The following PRLR variants were observed in gnomAD, a reference collection of about 807,000 sequenced individuals.
The protein encoded by PRLR is hPRL receptor.
In PRLR, 13 loss-of-function variants were observed where a neutral mutation model predicts 40.2. That is an observed-to-expected ratio of 0.32 (90% confidence interval 0.21 to 0.51). PRLR has a LOEUF of 0.51. Ranked by LOEUF, PRLR falls within the 20% of genes least tolerant of loss-of-function variation. The probability of loss-of-function intolerance (pLI) is 0.97; values close to 1 mark genes in which losing one functional copy is unlikely to be tolerated. For synonymous variants in PRLR, 269 were observed against 278.7 expected, an observed-to-expected ratio of 0.97 and a Z score of 0.35; for missense variants, 656 against 747.3, an observed-to-expected ratio of 0.88 and a Z score of 1.42.
At chr5:35,131,838 T>C (rs561893465) in intron 1 of PRLR, among the ~76,000 whole-genome samples, 11 of 152,292 alleles carry the variant, frequency 7.2e-5, no homozygotes, top group African/African-American at 2.2e-4. Flanking sequence ...GAAAAGCCAG[T>C]GATAGTGCTC....
intron 1 of PRLR, among the ~76,000 whole-genome samples, chr5:35,122,308 T>A (rs1231717251): frequency 1.3e-5 from 2 of 152,162 alleles, no homozygotes; most frequent in Admixed American, 1.3e-4. Flanking sequence ...TAGGTAAACA[T>A]GTGCCATGGT....
At chr5:35,113,653 A>T (rs1046653160) in intron 2 of PRLR, among the ~76,000 whole-genome samples, 2 of 152,238 alleles carry the variant, frequency 1.3e-5, no homozygotes, top group African/African-American at 4.8e-5. Context: ...GTTTTGCTGA[A>T]ACAAACCTCC....
Position 35,063,178 on chromosome 5 carries a change from C to T in PRLR, c.*1911G>A, listed in dbSNP as rs1769144581. 1 of 152,214 alleles carries T rather than the reference C, an allele frequency of 6.6e-6. No individual in the cohort carries two copies. The highest frequency in any genetic ancestry group is 2.1e-4 in the South Asian group (1 of 4,838). The allele number at this position is 152,214 out of a possible 1,614,324, so 9.4% of individuals were successfully genotyped here. On this transcript the variant is annotated 3_prime_UTR_variant, in exon 10 of 10. Transcript: ENST00000618457. ...TGAGCTTGGACAACTTTCCCACACG[C>T]TTCCCTTACTCACATGATATTGTTT...
chr5:35,104,112 T>A (rs1451321965), intron 2 of PRLR, among the ~76,000 whole-genome samples: 2 of 152,148 alleles, frequency 1.3e-5, no homozygotes, highest in East Asian at 3.9e-4. Flanking sequence ...GAGAACACAG[T>A]AGCACTTAGC....
chr5:35,094,790 C>T (rs571436465), intron 2 of PRLR, among the ~76,000 whole-genome samples: 48 of 151,134 alleles, frequency 3.2e-4, no homozygotes, highest in African/African-American at 1.1e-3. Context: ...GAGAAAACCT[C>T]ACATCAGGTA....
intron 1 of PRLR, among the ~76,000 whole-genome samples, chr5:35,183,804 C>T (rs1470284272): frequency 6.6e-6 from 1 of 152,108 alleles, no homozygotes; most frequent in Non-Finnish European, 1.5e-5. Flanking sequence ...AGTGTTGAAA[C>T]CTCAGGGTTA....
At position 35,065,588 on chromosome 5, in the gene PRLR, T is replaced by A; in HGVS notation, c.1370A>T (p.Asp457Val). The stretch of plus-strand genomic sequence containing the variant: ...AATGGTTTGAGAGGATTTTAAAGCA[T>A]CTTTACCTGCTTCATTCAACAGAGT... ...PATLLNEAGK[D>V]ALKSSQTIKS... The change falls in exon 10 of 10, where the codon GAT becomes GTT. Residue 457 changes from aspartate (D) to valine (V), a missense_variant. Asp to Val is a radical substitution (Grantham distance 152). Transcript: ENST00000618457. 3 of 1,614,114 alleles carry A rather than the reference T, an allele frequency of 1.9e-6. No homozygotes were observed. Among genetic ancestry groups the A allele is most frequent in the Non-Finnish European group, 2.5e-6 (3 of 1,180,030 alleles).
chr5:35,216,567 C>T (rs1184942351), intron 1 of PRLR, among the ~76,000 whole-genome samples: 4 of 152,152 alleles, frequency 2.6e-5, no homozygotes, highest in African/African-American at 7.2e-5. Flanking sequence ...AGATGAAATA[C>T]ATACAAGTGG....
At chr5:35,109,616 A>G (rs1248177147) in intron 2 of PRLR, among the ~76,000 whole-genome samples, 1 of 152,228 alleles carries the variant, frequency 6.6e-6, no homozygotes, top group Non-Finnish European at 1.5e-5. Flanking sequence ...ACATGAAAAA[A>G]TGCTCATCAT....
intron 2 of PRLR, among the ~76,000 whole-genome samples, chr5:35,109,363 A>G (rs1772491825): frequency 6.6e-6 from 1 of 152,250 alleles, no homozygotes; most frequent in Admixed American, 6.5e-5. Context: ...CAAAATTGAC[A>G]AATGGGATCT....
At chr5:35,083,448 C>G (rs114005309) in intron 5 of PRLR, among the ~76,000 whole-genome samples, 6,872 of 144,390 alleles carry the variant, frequency 0.048, 274 homozygotes, top group African/African-American at 0.11. Context: ...TCCTCTCTCT[C>G]TGTGTGTGTG....
Position 35,065,491 on chromosome 5 carries a change from A to T in PRLR, c.1467T>A (p.Asp489Glu). Residue 489 changes from aspartate (D) to glutamate (E), a missense_variant, in exon 10 of 10, where the codon GAT becomes GAA. Physicochemically the swap from Asp to Glu is conservative, Grantham distance 45. Transcript: ENST00000618457. ...VESFHSETDQDTPWLLPQEKT... is the reference protein window; with the variant it reads ...VESFHSETDQETPWLLPQEKT... ...TCTCCTGGGGCAGCAGCCAGGGCGT[A>T]TCCTGGTCAGTCTCAGAATGGAAGC... 6.2e-7 allele frequency: 1 copy of T among 1,614,156 alleles called. No individual in the cohort carries two copies. Among genetic ancestry groups the T allele is most frequent in the Non-Finnish European group, 8.5e-7 (1 of 1,180,040 alleles).
chr5:35,166,469 T>C (rs1774830718), intron 1 of PRLR, among the ~76,000 whole-genome samples: 1 of 152,172 alleles, frequency 6.6e-6, no homozygotes. Flanking sequence ...CTTTATTTTT[T>C]TCAAATTTCT....
At chr5:35,223,859 A>G (rs774071283) in intron 1 of PRLR, among the ~76,000 whole-genome samples, 1 of 152,184 alleles carries the variant, frequency 6.6e-6, no homozygotes, top group Non-Finnish European at 1.5e-5. Flanking sequence ...GGCTTACACA[A>G]TGCTGAAAAA....
At chr5:35,201,526 C>G (rs1775882624) in intron 1 of PRLR, among the ~76,000 whole-genome samples, 1 of 152,188 alleles carries the variant, frequency 6.6e-6, no homozygotes, top group Non-Finnish European at 1.5e-5. Flanking sequence ...ATGCCAATGT[C>G]TTTTCCATTT....
chr5:35,141,347 T>G (rs1263847421), intron 1 of PRLR, among the ~76,000 whole-genome samples: 1 of 152,076 alleles, frequency 6.6e-6, no homozygotes, highest in Non-Finnish European at 1.5e-5. Context: ...GGCTCAGAAT[T>G]GGGAAATGCC....
chr5:35,129,811 G>A (rs1773602361), intron 1 of PRLR, among the ~76,000 whole-genome samples: 1 of 151,986 alleles, frequency 6.6e-6, no homozygotes, highest in Non-Finnish European at 1.5e-5. Flanking sequence ...GGGTGGGAGT[G>A]GGCACAAGGC....
At chr5:35,228,018 GCCA>G (rs1776593861) in intron 1 of PRLR, among the ~76,000 whole-genome samples, 1 of 152,014 alleles carries the variant, frequency 6.6e-6, no homozygotes, top group Non-Finnish European at 1.5e-5. Context: ...GTATTCTGAG[GCCA>G]CCACTCCTTT....
chr5:35,208,867 A>T (rs895310223), intron 1 of PRLR, among the ~76,000 whole-genome samples: 1 of 152,138 alleles, frequency 6.6e-6, no homozygotes, highest in African/African-American at 2.4e-5. Flanking sequence ...AAGGGTAGTG[A>T]GTGTATGAAA....
Sources: gnomAD v4.1 joint callset for allele counts (sites outside exome capture counted in the v4.1 genomes callset) on GRCh38, gnomAD v4.1.1 for gene constraint, MANE v1.5 for transcripts, NCBI Gene and HGNC (gene_info 2026-07-23, HGNC 2026-07-21) for gene names.